Variants in UTP20 observed in about 807,000 individuals in gnomAD.
The protein encoded by UTP20 is small subunit processome component 20 homolog.
UTP20 carries 164 observed loss-of-function variants against 329.5 expected under a neutral mutation model. The ratio of observed to expected loss-of-function variants is 0.50; its 90% CI spans 0.44 to 0.57. UTP20 has a LOEUF of 0.57. UTP20 is among the 20% of genes least tolerant of loss of function. UTP20 has a pLI of 0.00. For synonymous variants in UTP20, 1,151 were observed against 1,159.3 expected (o/e 0.99, Z 0.14); for missense variants, 3,055 against 3,284.2 (o/e 0.93, Z 1.71).
In UTP20 at chr12:101,373,594, C is replaced by A. The variant is rs775080807; in HGVS notation, c.6958C>A (p.His2320Asn). The change falls in exon 54 of 62, where the codon CAT (histidine) becomes AAT (asparagine). Residue 2320 changes from histidine to asparagine, a missense_variant. His to Asn is a moderately conservative substitution (Grantham distance 68, BLOSUM62 1). Around this residue, in one of 3 missense-constraint regions of UTP20, gnomAD observed 273 missense variants for 363.1 expected, o/e 0.75. Coordinates refer to ENST00000261637, the MANE Select transcript of UTP20 (RefSeq NM_014503.3). The stretch of plus-strand genomic sequence containing the variant: ...GCCTCTTTTCTTTTAGGGGCTGCTC[C>A]ATGAGAACTGCGGAATGTTCTTTAT... ...LFDTFPQGLLHENCGMFFIPL... is the reference protein window; with the variant it reads ...LFDTFPQGLLNENCGMFFIPL... 8 of 1,611,064 alleles carry A rather than the reference C, an allele frequency of 5.0e-6. No individual in the cohort carries two copies. Among genetic ancestry groups the A allele is most frequent in the Non-Finnish European group, 6.8e-6 (8 of 1,178,472 alleles).
intron 29 of UTP20, among the ~76,000 whole-genome samples, chr12:101,335,095 C>T (rs1367701487): frequency 2.6e-5 from 4 of 152,106 alleles, no homozygotes; most frequent in African/African-American, 9.7e-5. Context: ...CACATGAGAA[C>T]TGTTAACAAT....
chr12:101,383,404 CTT>C, intron 59 of UTP20, 91 bp downstream of exon 59: 4 of 1,492,838 alleles, frequency 2.7e-6, no homozygotes, highest in Non-Finnish European at 3.6e-6. Context: ...TCCCTAGAAA[CTT>C]TATCTTTGAA....
chr12:101,373,754 T>C lies in UTP20; in HGVS notation c.7118T>C (p.Phe2373Ser), dbSNP rs1870378553. The C allele has an allele frequency of 6.2e-7, 1 of 1,608,756 alleles. No homozygotes were observed. The highest frequency in any genetic ancestry group is 1.1e-5 in the South Asian group (1 of 89,520). The change falls in exon 54 of 62, where the codon TTT (phenylalanine) becomes TCT (serine). Residue 2373 changes from phenylalanine (F) to serine (S), a missense_variant. This residue lies in a region of UTP20 where 273 missense variants were observed against 363.1 expected (regional missense o/e 0.75). Coordinates refer to ENST00000261637, the MANE Select transcript of UTP20 (RefSeq NM_014503.3). ...DWLFDMVTTW[F>S]GAKKRLNRQL... The stretch of plus-strand genomic sequence containing the variant: ...CTGTTTGATATGGTTACCACTTGGT[T>C]TGGAGCAAAAAAGGTGTGCGTTGCT...
chr12:101,375,506 A>G, intron 55 of UTP20, 118 bp from the exon 56 acceptor site: 1 of 1,006,424 alleles, frequency 9.9e-7, no homozygotes, highest in South Asian at 1.5e-5. Flanking sequence ...TCTGGCCCAC[A>G]ATGTCAGGAG....
In UTP20 at chr12:101,327,180, G is replaced by T; in HGVS notation, c.3141G>T (p.Gly1047=). The stretch of plus-strand genomic sequence containing the variant: ...CCATTGTCCTGCGGTTCCTGGCCGG[G>T]ACCCAACCTGAGGAGATCCAGATAT... ...RMAIVLRFLA[G]TQPEEIQIFL... The change falls in exon 26 of 62, where the codon GGG becomes GGT. Residue 1047 remains glycine, a synonymous_variant. Transcript: ENST00000261637. 2 of 1,613,148 alleles carry T rather than the reference G, an allele frequency of 1.2e-6. No homozygotes were observed. The highest frequency in any genetic ancestry group is 8.5e-7 in the Non-Finnish European group (1 of 1,179,218).
chr12:101,299,769 AC>A lies in UTP20; in HGVS notation c.1523del (p.Pro508GlnfsTer29). On this transcript the variant is annotated frameshift_variant, in exon 13 of 62. Transcript: ENST00000261637. LOFTEE classifies it high-confidence loss of function. ...ACCATCTTTTATCTATAATTAAGTT[AC>A]CCCCAAATAAAGATACTACTTACCT... is the stretch of plus-strand genomic sequence containing the variant. The part of the protein sequence containing the change: ...LDHLLSIIKL[P>X]PNKDTTYLSQ... The A allele has an allele frequency of 6.2e-7, 1 of 1,613,278 alleles. No homozygotes were observed. The highest frequency in any genetic ancestry group is 8.5e-7 in the Non-Finnish European group (1 of 1,179,730).
At chr12:101,302,345 A>C (rs1872541663) in intron 14 of UTP20, 103 bp from the exon 15 acceptor site, 2 of 686,940 alleles carry the variant, frequency 2.9e-6, no homozygotes. Context: ...AATTCACTTT[A>C]AGAACTTCCC....
At position 101,368,740 on chromosome 12, in the gene UTP20, T is replaced by C. The variant is rs191235420; in HGVS notation, c.6384+764T>C. On this transcript the variant is annotated intron_variant, in intron 48 of 61. Transcript: ENST00000261637. ...GCATATATTCTTACTATTTATGTTT[T>C]ATAAATGAGAAAATTAGGGCGAGGG... is the stretch of plus-strand genomic sequence containing the variant. Among the ~76,000 whole-genome samples, 5 of 152,338 alleles carry C rather than the reference T, an allele frequency of 3.3e-5. No individual in the cohort carries two copies. In the East Asian group the frequency reaches 5.8e-4, roughly 18 times the overall value.
At position 101,383,601 on chromosome 12, in the gene UTP20, T is replaced by TA; in HGVS notation, c.7991dup (p.Pro2665AlafsTer43). On this transcript the variant is annotated frameshift_variant, in exon 60 of 62. Coordinates refer to ENST00000261637, the MANE Select transcript of UTP20 (RefSeq NM_014503.3). LOFTEE classifies it high-confidence loss of function. The stretch of plus-strand genomic sequence containing the variant: ...GCAATGGATCTTGGGATAGACAAGG[T>TA]AAAGCCGTATCTCCCAATGATCATA... 1.2e-6 allele frequency: 2 copies of TA among 1,613,882 alleles called. No individual in the cohort carries two copies. The highest frequency in any genetic ancestry group is 1.7e-6 in the Non-Finnish European group (2 of 1,179,950).
intron 23 of UTP20, 100 bp downstream of exon 23, chr12:101,319,735 G>A (rs1428258530): frequency 1.1e-6 from 1 of 911,996 alleles, no homozygotes. Flanking sequence ...GCTGAATAGG[G>A]CCCATGTCTA....
chr12:101,324,217 CATTTATTTATTT>C lies in UTP20; in HGVS notation c.3041+2613_3041+2624del, dbSNP rs200869541. Among the ~76,000 whole-genome samples the C allele has an allele frequency of 8.8e-3, 1,290 of 146,572 alleles. 22 individuals carry two copies. The highest frequency in any genetic ancestry group is 0.03 in the African/African-American group (1,184 of 39,704). ...ACTTTCTCTACTGATTTGAGAGCCA[CATTTATTTATTT>C]ATTTATTTATTTATTTATTTATTTC... On this transcript the variant is annotated intron_variant, in intron 25 of 61. Transcript: ENST00000261637.
chr12:101,361,783 T>C (rs1490835216), intron 43 of UTP20, among the ~76,000 whole-genome samples, 179 bp from the exon 44 acceptor site: 3 of 152,154 alleles, frequency 2.0e-5, no homozygotes, highest in Admixed American at 6.5e-5. Flanking sequence ...TGGTACAAAG[T>C]GATCATTTGG....
intron 2 of UTP20, among the ~76,000 whole-genome samples, chr12:101,285,120 A>C (rs1019341054): frequency 2.0e-5 from 3 of 152,184 alleles, no homozygotes; most frequent in Admixed American, 2.0e-4. Flanking sequence ...CTTTTACTTA[A>C]AGGCTTGCAA....
chr12:101,373,085 ATATGAC>A (rs1258480549), intron 52 of UTP20, 122 bp downstream of exon 52: 1 of 807,660 alleles, frequency 1.2e-6, no homozygotes, highest in Non-Finnish European at 2.0e-6. Context: ...GCATACTGTT[ATATGAC>A]TCATTGACTT....
rs1871941628 is a variant in UTP20 at position 101,285,747 on chromosome 12, A to G, written c.194-2A>G. Reference sequence around the variant, plus strand: ...GAACATATTTTTTTTTCCCCCACTCAGGAAAATTTTACAAAGAAGTTATTG... The same window carrying G: ...GAACATATTTTTTTTTCCCCCACTCGGGAAAATTTTACAAAGAAGTTATTG... On this transcript the variant is annotated splice_acceptor_variant, in intron 3 of 61. Transcript: ENST00000261637. LOFTEE classifies it high-confidence loss of function. 1 of 1,613,226 alleles carries G rather than the reference A, an allele frequency of 6.2e-7. No homozygotes were observed. The highest frequency in any genetic ancestry group is 8.5e-7 in the Non-Finnish European group (1 of 1,179,694).
At chr12:101,372,532 C>T (rs1425621980) in intron 51 of UTP20, among the ~76,000 whole-genome samples, 2 of 152,184 alleles carry the variant, frequency 1.3e-5, no homozygotes, top group Non-Finnish European at 2.9e-5. Flanking sequence ...AGGGGAGATA[C>T]CAGATTGGAC....
chr12:101,335,314 A>C (rs1160422879), intron 29 of UTP20, among the ~76,000 whole-genome samples: 1 of 152,242 alleles, frequency 6.6e-6, no homozygotes, highest in African/African-American at 2.4e-5. Context: ...TTAAAACTTG[A>C]AAATTTTAAG....
At chr12:101,285,724 A>T (rs1333522990) in intron 3 of UTP20, 25 bp from the exon 4 acceptor site, 47 of 1,613,148 alleles carry the variant, frequency 2.9e-5, no homozygotes, top group Non-Finnish European at 3.9e-5. Context: ...ATAGAAAAGA[A>T]CATATTTTTT....
chr12:101,362,695 C>T (rs1405305879), intron 44 of UTP20, among the ~76,000 whole-genome samples: 1 of 133,012 alleles, frequency 7.5e-6, no homozygotes, highest in African/African-American at 3.9e-5. Context: ...CAGAGTGAGA[C>T]TCTGTCTCAA....
Sources: allele counts gnomAD v4.1 joint callset (sites outside exome capture counted in the v4.1 genomes callset), GRCh38; gene constraint gnomAD v4.1.1; regional missense constraint gnomAD v4.1.1; transcripts MANE v1.5; gene names NCBI Gene and HGNC (gene_info 2026-07-23, HGNC 2026-07-21).